Variants in ZNF324B observed in about 807,000 individuals in gnomAD.
The protein encoded by ZNF324B is zinc finger protein 324B.
ZNF324B carries 7 observed loss-of-function variants against 10.6 expected under a neutral mutation model. That is an observed-to-expected ratio of 0.66 (90% CI 0.38 to 1.24). The LOEUF is 1.24. Ranked by LOEUF, ZNF324B falls within the 50% of genes most tolerant of loss-of-function variation. The probability of loss-of-function intolerance (pLI) is 0.02; values close to 1 mark genes in which losing one functional copy is unlikely to be tolerated. For synonymous variants in ZNF324B, 316 were observed against 321.0 expected (o/e 0.98, Z 0.17); for missense variants, 640 against 764.7 (o/e 0.84, Z 1.92).
At chr19:58,432,561 G>T in the ZNF324B span, among the ~76,000 whole-genome samples, 2 of 152,160 alleles carry the variant, frequency 1.3e-5, no homozygotes, top group African/African-American at 2.4e-5. Flanking sequence ...TTTTAGTGTT[G>T]TAGATGAGTT....
the ZNF324B span, chr19:58,436,780 G>A: frequency 1.7e-6 from 1 of 574,790 alleles, no homozygotes; most frequent in African/African-American, 1.8e-5. Context: ...AATCTCAGTG[G>A]GATCTGTTAG....
the ZNF324B span, chr19:58,433,987 G>T: frequency 9.3e-6 from 15 of 1,614,208 alleles, no homozygotes; most frequent in Non-Finnish European, 1.2e-5. Context: ...GCATTCAAAA[G>T]GCCGTTCTCC....
rs1253870914 is a variant in ZNF324B, at chr19:58,454,506, C to T, written c.238+162C>T. On this transcript the variant is annotated intron_variant, in intron 3 of 3. Coordinates refer to ENST00000336614, the MANE Select transcript of ZNF324B (RefSeq NM_207395.3). The stretch of plus-strand genomic sequence containing the variant: ...CTGGAGGCTGCTGCCTTAGTAGGTG[C>T]CCTTGAAGGGAGAGCTCCAAGGGCA... The T allele has an allele frequency of 8.2e-6, 5 of 611,828 alleles. No individual in the cohort carries two copies. In the Admixed American group the frequency reaches 8.6e-5, roughly 11 times the overall value. The allele number at this position is 611,828 out of a possible 1,614,324, so 37.9% of individuals were successfully genotyped here.
the ZNF324B span, among the ~76,000 whole-genome samples, chr19:58,427,907 A>G: frequency 2.5e-4 from 38 of 152,294 alleles, no homozygotes; most frequent in African/African-American, 8.4e-4. Context: ...GCTGAGCCCC[A>G]TATGGCTCAG....
chr19:58,441,489 A>G, the ZNF324B span: 2 of 152,216 alleles, frequency 1.3e-5, no homozygotes, highest in African/African-American at 4.8e-5. Flanking sequence ...GTAGGGGTGA[A>G]GGACCATCCC....
At chr19:58,439,641 CGT>C in the ZNF324B span, 1 of 1,130,122 alleles carries the variant, frequency 8.8e-7, no homozygotes, top group Non-Finnish European at 1.2e-6. Context: ...CCAGGACCCA[CGT>C]GTGAGGACAG....
the ZNF324B span, chr19:58,437,049 A>C: frequency 6.2e-7 from 1 of 1,614,184 alleles, no homozygotes; most frequent in Middle Eastern, 1.6e-4. Flanking sequence ...GGCATTACCA[A>C]GTGAGGTCAC....
chr19:58,435,769 A>G, the ZNF324B span: 2 of 153,012 alleles, frequency 1.3e-5, no homozygotes, highest in Middle Eastern at 3.3e-3. Context: ...GACTGTTCAT[A>G]GCAGAATTTT....
intron 3 of ZNF324B, 190 bp downstream of exon 3, chr19:58,454,534 G>C (rs1321508049): frequency 1.0e-5 from 6 of 593,310 alleles, no homozygotes; most frequent in Middle Eastern, 3.0e-4. Flanking sequence ...CAAGGGCACA[G>C]GAGCTGGGTT....
chr19:58,451,500 T>C (rs565993483), upstream of ZNF324B: 100 of 414,874 alleles, frequency 2.4e-4, no homozygotes, highest in African/African-American at 5.8e-4. Context: ...AGACTGGTAA[T>C]GGCCCCGCCT....
the ZNF324B span, chr19:58,444,152 C>G: frequency 6.6e-6 from 1 of 152,138 alleles, no homozygotes; most frequent in Non-Finnish European, 1.5e-5. Flanking sequence ...ATAGCTGTGC[C>G]TTTTAAAAAA....
At chr19:58,440,565 A>C in the ZNF324B span, 2 of 152,326 alleles carry the variant, frequency 1.3e-5, no homozygotes, top group Admixed American at 6.5e-5. Context: ...GGGCCCATGG[A>C]AACAGGAGCG....
At chr19:58,445,512 T>A in the ZNF324B span, 3 of 518,412 alleles carry the variant, frequency 5.8e-6, no homozygotes, top group Non-Finnish European at 1.2e-5. Context: ...CCTCCCTTAT[T>A]TAGTATAAAA....
the ZNF324B span, chr19:58,439,831 C>T: frequency 6.5e-7 from 1 of 1,540,570 alleles, no homozygotes; most frequent in East Asian, 2.5e-5. Flanking sequence ...TAACAGGAGG[C>T]CCAGGGCTAG....
At chr19:58,428,362 A>G in the ZNF324B span, among the ~76,000 whole-genome samples, 1 of 152,242 alleles carries the variant, frequency 6.6e-6, no homozygotes, top group Non-Finnish European at 1.5e-5. Context: ...ATAAAATCAC[A>G]TGCCACATAG....
At chr19:58,434,438 G>C in the ZNF324B span, 2 of 1,614,220 alleles carry the variant, frequency 1.2e-6, no homozygotes, top group Non-Finnish European at 1.7e-6. Context: ...CTCTGATGAT[G>C]AACAAATGTG....
At position 58,457,600 on chromosome 19, in the gene ZNF324B, T is replaced by G. The variant is rs573870490; in HGVS notation, c.*1021T>G. The G allele has an allele frequency of 7.1e-6, 1 of 141,744 alleles. No homozygotes were observed. The highest frequency in any genetic ancestry group is 2.1e-4 in the East Asian group (1 of 4,706). The allele number at this position is 141,744 out of a possible 1,614,324, so 8.8% of individuals were successfully genotyped here. On this transcript the variant is annotated 3_prime_UTR_variant, in exon 4 of 4. Coordinates refer to ENST00000336614, the MANE Select transcript of ZNF324B (RefSeq NM_207395.3). ...GGACAGAGAGCTGAATAGGAAGGAC[T>G]TGCCATTACCTAAGGCCATGTGTGA... is the stretch of plus-strand genomic sequence containing the variant.
the ZNF324B span, among the ~76,000 whole-genome samples, chr19:58,427,440 TTCCTTTCCTTTCCC>T: frequency 2.9e-4 from 4 of 13,784 alleles, no homozygotes; most frequent in African/African-American, 8.9e-4. Context: ...CCTTCCTTCC[TTCCTTTCCTTTCCC>T]TTCCTTCCTT....
At chr19:58,435,191 C>T in the ZNF324B span, 71 of 1,610,148 alleles carry the variant, frequency 4.4e-5, no homozygotes, top group Non-Finnish European at 5.5e-5. Context: ...GCCCCCTCAC[C>T]CTCTACTCCA....
Sources: gnomAD v4.1 joint callset for allele counts (sites outside exome capture counted in the v4.1 genomes callset) on GRCh38, gnomAD v4.1.1 for gene constraint, MANE v1.5 for transcripts, NCBI Gene and HGNC (gene_info 2026-07-23, HGNC 2026-07-21) for gene names.